Variants in LUC7L2 observed in about 807,000 individuals in gnomAD.
The protein encoded by LUC7L2 is LUC7 like 2, pre-mRNA splicing factor.
In LUC7L2, 25 loss-of-function variants were observed where a neutral mutation model predicts 52.8. The observed-to-expected ratio is 0.47, with a 90% confidence interval of 0.34 to 0.66. LUC7L2 has a LOEUF of 0.66. LUC7L2 is among the 30% of genes least tolerant of loss of function. LUC7L2 has a pLI of 0.01. For missense variants in LUC7L2, 328 were observed against 497.8 expected, an observed-to-expected ratio of 0.66 and a Z score of 3.25; for synonymous variants, 144 against 160.9, an observed-to-expected ratio of 0.89 and a Z score of 0.80.
chr7:139,354,518 C>A lies in LUC7L2; in HGVS notation c.-26+14001C>A, dbSNP rs528995042. On this transcript the variant is annotated intron_variant, in intron 1 of 10. Coordinates refer to the LUC7L2 transcript ENST00000541170. ...CTGGGATTACAGGCACGTGCCACCA[C>A]AACTGGCTAATTTTTTTATTTTTAG... Among the ~76,000 whole-genome samples the A allele has an allele frequency of 2.6e-4, 39 of 152,288 alleles. 1 individual carries two copies. The highest frequency in any genetic ancestry group is 7.3e-5 in the Non-Finnish European group (5 of 68,030).
At chr7:139,380,067 T>C (rs569062906) in intron 2 of LUC7L2, among the ~76,000 whole-genome samples, 10 of 151,810 alleles carry the variant, frequency 6.6e-5, no homozygotes, top group Non-Finnish European at 7.4e-5. Flanking sequence ...TAATCCCAGC[T>C]ACTCGGGAAG....
chr7:139,411,122 GA>G (rs1795343712), intron 7 of LUC7L2, among the ~76,000 whole-genome samples: 1 of 152,138 alleles, frequency 6.6e-6, no homozygotes. Context: ...CAGTAACATG[GA>G]ACAGAATTTC....
At chr7:139,353,337 C>G (rs1799509165) in intron 1 of LUC7L2, among the ~76,000 whole-genome samples, 1 of 152,188 alleles carries the variant, frequency 6.6e-6, no homozygotes, top group Admixed American at 6.5e-5. Context: ...GTTGTCTGTT[C>G]TGGACAGCTA....
At chr7:139,369,540 CT>C (rs1388828558) in intron 1 of LUC7L2, among the ~76,000 whole-genome samples, 1 of 152,096 alleles carries the variant, frequency 6.6e-6, no homozygotes, top group African/African-American at 2.4e-5. Context: ...AATGGAGATT[CT>C]TTAGTATTCC....
chr7:139,359,666 A>G, upstream of LUC7L2: 2 of 397,632 alleles, frequency 5.0e-6, no homozygotes, highest in East Asian at 7.1e-5. Flanking sequence ...TACAGCCGGG[A>G]GGGAATGTAA....
chr7:139,360,312 C>T lies in LUC7L2; in HGVS notation c.51C>T (p.Thr17=), dbSNP rs1487865302. ...MRAMLDQLMG[T]SRDGDTTRQR... is the part of the protein sequence containing the mutation. ...CGATGCTGGACCAGTTGATGGGCAC[C>T]TCCCGGGACGGTAAGTCTCTGCCAG... Residue 17 remains threonine (T), a synonymous_variant, in exon 1 of 10, where the codon ACC becomes ACT. Transcript: ENST00000354926. 1.3e-6 allele frequency: 2 copies of T among 1,570,202 alleles called. No homozygotes were observed. The highest frequency in any genetic ancestry group is 1.8e-5 in the Admixed American group (1 of 54,126).
In LUC7L2 at chr7:139,410,131, T is replaced by TG. The variant is rs774706094; in HGVS notation, c.779+484dup. On this transcript the variant is annotated intron_variant, in intron 7 of 9. Transcript: ENST00000354926. ...CTGAGGCAGGAGAATGGCGTGAACC[T>TG]GGGGGGGCAGAGCCTGCAGTGAGCT... Among the ~76,000 whole-genome samples, 975 of 150,628 alleles carry TG rather than the reference T, an allele frequency of 6.5e-3. 5 individuals carry two copies. Among genetic ancestry groups the TG allele is most frequent in the Middle Eastern group, 0.014 (4 of 290 alleles).
chr7:139,416,499 G>A (rs1795627846), intron 8 of LUC7L2: 1 of 152,134 alleles, frequency 6.6e-6, no homozygotes, highest in Non-Finnish European at 1.5e-5. Flanking sequence ...TTTCGCAAGT[G>A]TTCTTTCTCC....
At chr7:139,389,935 C>T (rs1016494728) in intron 2 of LUC7L2, among the ~76,000 whole-genome samples, 10 of 152,098 alleles carry the variant, frequency 6.6e-5, no homozygotes, top group Non-Finnish European at 1.5e-4. Flanking sequence ...GTTCAGCTGG[C>T]GCAGGCAGGA....
At chr7:139,406,384 ACT>A (rs1471128098) in intron 5 of LUC7L2, among the ~76,000 whole-genome samples, 4 of 125,402 alleles carry the variant, frequency 3.2e-5, no homozygotes, top group Middle Eastern at 7.5e-3. Context: ...ACAGAGTCTT[ACT>A]CTCTCTCCAA....
chr7:139,378,821 G>A (rs151190658), intron 2 of LUC7L2, among the ~76,000 whole-genome samples: 11 of 152,152 alleles, frequency 7.2e-5, no homozygotes, highest in South Asian at 4.2e-4. Flanking sequence ...TGACACTTTC[G>A]GAGTCTCACA....
intron 6 of LUC7L2, among the ~76,000 whole-genome samples, chr7:139,408,430 T>A (rs1404604632): frequency 6.6e-6 from 1 of 152,166 alleles, no homozygotes; most frequent in Non-Finnish European, 1.5e-5. Flanking sequence ...ATATTAGAAA[T>A]CACAGGGCAT....
intron 2 of LUC7L2, among the ~76,000 whole-genome samples, chr7:139,377,887 T>C (rs1048571885): frequency 1.4e-4 from 20 of 142,872 alleles, no homozygotes; most frequent in African/African-American, 3.9e-4. Context: ...CTGTGAACAC[T>C]GCCCACTGCA....
chr7:139,405,715 A>C lies in LUC7L2; in HGVS notation c.438A>C (p.Glu146Asp). Residue 146 changes from glutamate to aspartate, a missense_variant, in exon 5 of 10, where the codon GAA (glutamate) becomes GAC (aspartate). Physicochemically the swap from Glu to Asp is conservative, Grantham distance 45 (BLOSUM62 2). Coordinates refer to ENST00000354926, the MANE Select transcript of LUC7L2 (RefSeq NM_016019.5). ...CCAAGGTGGAACAACTAGGAGCTGAAGGGAATGTGGAGGAATCCCAGAAAG... is the reference window on the plus strand; with the variant it reads ...CCAAGGTGGAACAACTAGGAGCTGACGGGAATGTGGAGGAATCCCAGAAAG... ...LLAKVEQLGA[E>D]GNVEESQKVM... The C allele has an allele frequency of 6.2e-7, 1 of 1,613,438 alleles. No individual in the cohort carries two copies.
intron 4 of LUC7L2, among the ~76,000 whole-genome samples, chr7:139,404,730 CAT>C (rs1205189078): frequency 3.3e-5 from 5 of 152,150 alleles, no homozygotes; most frequent in African/African-American, 1.2e-4. Context: ...GCTAAGGACT[CAT>C]AGAGTGGAGT....
At chr7:139,379,706 C>G (rs1251057585) in intron 2 of LUC7L2, among the ~76,000 whole-genome samples, 1 of 149,900 alleles carries the variant, frequency 6.7e-6, no homozygotes, top group Non-Finnish European at 1.5e-5. Context: ...GCTGGGATTA[C>G]AGGCATGCAC....
intron 1 of LUC7L2, among the ~76,000 whole-genome samples, chr7:139,361,084 A>G (rs1799859230): frequency 6.6e-6 from 1 of 152,256 alleles, no homozygotes; most frequent in Non-Finnish European, 1.5e-5. Flanking sequence ...TCAGGCGTTT[A>G]GTTTAGAATC....
At chr7:139,348,742 G>T (rs1585061393) in intron 1 of LUC7L2, among the ~76,000 whole-genome samples, 1 of 152,156 alleles carries the variant, frequency 6.6e-6, no homozygotes, top group East Asian at 1.9e-4. Flanking sequence ...TTTATATTAT[G>T]ATTCTACTTG....
chr7:139,397,674 T>G (rs1794722773), intron 2 of LUC7L2, among the ~76,000 whole-genome samples: 2 of 152,198 alleles, frequency 1.3e-5, no homozygotes, highest in East Asian at 3.8e-4. Flanking sequence ...TTGCCAATTT[T>G]TTCTCATATT....
Sources: allele counts gnomAD v4.1 joint callset (sites outside exome capture counted in the v4.1 genomes callset), GRCh38; gene constraint gnomAD v4.1.1; transcripts MANE v1.5; gene names NCBI Gene and HGNC (gene_info 2026-07-23, HGNC 2026-07-21).